LAMC1: variants seen among roughly 807,000 people sequenced by gnomAD.
LAMC1 encodes the protein laminin subunit gamma-1.
A neutral mutation model predicts 173.6 loss-of-function variants in LAMC1; 38 were observed. The observed-to-expected ratio is 0.22, with a 90% confidence interval of 0.17 to 0.29. The LOEUF (loss-of-function observed/expected upper bound fraction) is 0.29. Ranked by LOEUF, LAMC1 falls within the 10% of genes least tolerant of loss-of-function variation. LAMC1 has a pLI of 1.00. For missense variants in LAMC1, 1,824 were observed against 2,051.8 expected, an observed-to-expected ratio of 0.89 and a Z score of 2.14; for synonymous variants, 746 against 749.1, an observed-to-expected ratio of 1.00 and a Z score of 0.07.
Position 183,118,146 on chromosome 1 carries a change from A to C in LAMC1, c.1990A>C (p.Ser664Arg), listed in dbSNP as rs755229420. Residue 664 changes from serine to arginine, a missense_variant and splice_region_variant, in exon 11 of 28, where the codon AGT (serine) becomes CGT (arginine). Transcript: ENST00000258341. ...GATACGTGGGACATACAGTGAGAGA[A>C]GTAAGTTATGATATAATTTAGGAGA... Reference protein sequence around the residue: ...IKIRGTYSERSAGYLDDVTLA... With the variant: ...IKIRGTYSERRAGYLDDVTLA... 2.0e-6 allele frequency: 3 copies of C among 1,500,190 alleles called. No individual in the cohort carries two copies. The East Asian group carries it at 6.8e-5, about 34-fold the overall frequency. 92.9% of individuals were successfully genotyped at this position (1,500,190 alleles called of 1,614,324 possible).
At chr1:183,042,013 T>G (rs1396651204) in intron 1 of LAMC1, among the ~76,000 whole-genome samples, 1 of 152,164 alleles carries the variant, frequency 6.6e-6, no homozygotes. Flanking sequence ...TGGTATAGTT[T>G]CCTCACCAGC....
At chr1:183,048,798 C>G (rs1654334497) in intron 1 of LAMC1, among the ~76,000 whole-genome samples, 2 of 152,156 alleles carry the variant, frequency 1.3e-5, no homozygotes, top group Non-Finnish European at 2.9e-5. Flanking sequence ...AGCACCTCAT[C>G]CTCACACGTG....
intron 1 of LAMC1, among the ~76,000 whole-genome samples, chr1:183,062,204 A>G (rs1350146968): frequency 2.0e-5 from 3 of 152,260 alleles, no homozygotes; most frequent in Non-Finnish European, 2.9e-5. Flanking sequence ...TGTTTGCAAA[A>G]TTAAAAAAGT....
intron 1 of LAMC1, among the ~76,000 whole-genome samples, chr1:183,037,758 T>G (rs1242602827): frequency 6.6e-6 from 1 of 152,164 alleles, no homozygotes; most frequent in Non-Finnish European, 1.5e-5. Context: ...TTTGGCTTTA[T>G]TTTTGAAGAA....
At chr1:183,061,545 C>G (rs1654746132) in intron 1 of LAMC1, among the ~76,000 whole-genome samples, 1 of 151,996 alleles carries the variant, frequency 6.6e-6, no homozygotes, top group African/African-American at 2.4e-5. Flanking sequence ...AAAACAACAT[C>G]TATATCTTTT....
At chr1:183,073,108 G>A (rs896560556) in intron 1 of LAMC1, among the ~76,000 whole-genome samples, 2 of 152,242 alleles carry the variant, frequency 1.3e-5, no homozygotes, top group African/African-American at 4.8e-5. Flanking sequence ...GACAGAGTCA[G>A]CTGGACATCA....
At chr1:183,036,125 G>A (rs1394443020) in intron 1 of LAMC1, among the ~76,000 whole-genome samples, 5 of 138,518 alleles carry the variant, frequency 3.6e-5, no homozygotes, top group East Asian at 4.1e-4. Context: ...TTAAGACAGC[G>A]TCTTGCTCTA....
At chr1:183,075,578 A>T (rs1452367545) in intron 1 of LAMC1, among the ~76,000 whole-genome samples, 2 of 152,222 alleles carry the variant, frequency 1.3e-5, no homozygotes, top group Non-Finnish European at 2.9e-5. Flanking sequence ...CATATATGGT[A>T]TAGTAATATA....
chr1:183,083,910 G>A (rs532182784), intron 1 of LAMC1, among the ~76,000 whole-genome samples: 9 of 151,970 alleles, frequency 5.9e-5, no homozygotes, highest in Admixed American at 4.6e-4. Context: ...TTAAATTTGC[G>A]TAAGATTGCT....
chr1:183,059,461 C>T (rs559541683), intron 1 of LAMC1, among the ~76,000 whole-genome samples: 15 of 152,198 alleles, frequency 9.9e-5, no homozygotes, highest in Non-Finnish European at 2.1e-4. Context: ...GTGGAGGTTG[C>T]AGTAAGCCAA....
chr1:183,092,011 A>T (rs138429763), intron 1 of LAMC1, among the ~76,000 whole-genome samples: 1 of 152,202 alleles, frequency 6.6e-6, no homozygotes, highest in Admixed American at 6.5e-5. Flanking sequence ...AAGTCGAATG[A>T]TAGAGGAAAT....
At chr1:183,030,860 C>T (rs771272955) in intron 1 of LAMC1, among the ~76,000 whole-genome samples, 3 of 152,032 alleles carry the variant, frequency 2.0e-5, no homozygotes, top group East Asian at 1.9e-4. Context: ...TATATATATT[C>T]TGTAGTTTCA....
In LAMC1 at chr1:183,067,475, TTTGTTGTTG is replaced by T. The variant is rs373552407; in HGVS notation, c.419-35835_419-35827del. Reference sequence around the variant, plus strand: ...ATATATATAGATATACATATATATTTTTGTTGTTGTTGTTGTTGTTGTTGTTTTTGAGAG... The same window carrying T: ...ATATATATAGATATACATATATATTTTTGTTGTTGTTGTTGTTTTTGAGAG... On this transcript the variant is annotated intron_variant, in intron 1 of 27. Coordinates refer to ENST00000258341, the MANE Select transcript of LAMC1 (RefSeq NM_002293.4). Among the ~76,000 whole-genome samples the T allele has an allele frequency of 3.8e-4, 58 of 151,912 alleles. No individual in the cohort carries two copies. The East Asian group carries it at 4.3e-3, about 11-fold the overall frequency.
rs866769419 is a variant in LAMC1, at chr1:183,139,015, C to T, written c.4473+1188C>T. Among the ~76,000 whole-genome samples the T allele has an allele frequency of 2.0e-5, 3 of 152,090 alleles. No homozygotes were observed. The South Asian group carries it at 6.2e-4, about 32-fold the overall frequency. Reference sequence around the variant, plus strand: ...GTTGTAATGAGCCAAGATCACTCCACCCTGGGCCACAGAGGAAGACTCCGT... The same window carrying T: ...GTTGTAATGAGCCAAGATCACTCCATCCTGGGCCACAGAGGAAGACTCCGT... On this transcript the variant is annotated intron_variant, in intron 26 of 27. Transcript: ENST00000258341.
chr1:183,092,584 A>G (rs1056102366), intron 1 of LAMC1, among the ~76,000 whole-genome samples: 7 of 152,190 alleles, frequency 4.6e-5, no homozygotes, highest in South Asian at 2.1e-4. Flanking sequence ...GAGAACTACT[A>G]TAACAGGAAG....
rs1655197396 is a variant in LAMC1 at position 183,079,213 on chromosome 1, C to G, written c.419-24115C>G. On this transcript the variant is annotated intron_variant, in intron 1 of 27. Transcript: ENST00000258341. ...TTCCAATTCTCTGCTTATCAAGCAA[C>G]TTTCTGATCTCTAATCTGGTTTTTT... Among the ~76,000 whole-genome samples, 8 of 122,542 alleles carry G rather than the reference C, an allele frequency of 6.5e-5. 1 individual carries two copies. The South Asian group carries it at 2.1e-3, about 33-fold the overall frequency. 80.4% of individuals were successfully genotyped at this position (122,542 alleles called of 152,430 possible).
intron 1 of LAMC1, among the ~76,000 whole-genome samples, chr1:183,075,576 G>A (rs1293932413): frequency 6.6e-6 from 1 of 152,058 alleles, no homozygotes; most frequent in Non-Finnish European, 1.5e-5. Context: ...CACATATATG[G>A]TATAGTAATA....
chr1:183,044,297 C>T (rs1174929314), intron 1 of LAMC1, among the ~76,000 whole-genome samples: 1 of 152,108 alleles, frequency 6.6e-6, no homozygotes, highest in Non-Finnish European at 1.5e-5. Context: ...AAAATGCCTT[C>T]TCTATAAATT....
intron 1 of LAMC1, among the ~76,000 whole-genome samples, chr1:183,082,635 C>T (rs1034047657): frequency 4.6e-5 from 7 of 152,174 alleles, no homozygotes; most frequent in Non-Finnish European, 1.0e-4. Context: ...TTTAGAATCA[C>T]TGCTGGAAAT....
Sources: gnomAD v4.1 joint callset for allele counts (sites outside exome capture counted in the v4.1 genomes callset) on GRCh38, gnomAD v4.1.1 for gene constraint, MANE v1.5 for transcripts, NCBI Gene and HGNC (gene_info 2026-07-23, HGNC 2026-07-21) for gene names.